The following SH3KBP1 variants were observed in gnomAD, a reference collection of about 807,000 sequenced individuals.
SH3KBP1 encodes SH3 domain-containing kinase-binding protein 1.
A neutral mutation model predicts 50.1 loss-of-function variants in SH3KBP1; 8 were observed. That is an observed-to-expected ratio of 0.16 (90% CI 0.09 to 0.29). The LOEUF (loss-of-function observed/expected upper bound fraction) is 0.29. Among genes scored for constraint, SH3KBP1 ranks in the 10% least tolerant of loss-of-function variants. The probability of loss-of-function intolerance (pLI) is 1.00; values close to 1 mark genes in which losing one functional copy is unlikely to be tolerated. For missense variants in SH3KBP1, 377 were observed against 535.2 expected (o/e 0.70, Z 2.92); for synonymous variants, 227 against 218.6 (o/e 1.04, Z -0.34).
intron 2 of SH3KBP1, among the ~76,000 whole-genome samples, chrX:19,815,216 A>G (rs2067317044): frequency 8.9e-6 from 1 of 111,792 alleles, no homozygotes; most frequent in African/African-American, 3.3e-5. Context: ...AGAGATAAAG[A>G]TGAGACTAAG....
chrX:19,777,262 T>C (rs927165997), intron 2 of SH3KBP1, among the ~76,000 whole-genome samples: 1 of 111,341 alleles, frequency 9.0e-6, no homozygotes, highest in African/African-American at 3.3e-5. Flanking sequence ...ACACAGAGCC[T>C]GGAGCCAAAG....
chrX:19,628,126 A>G (rs1268924536), intron 8 of SH3KBP1, among the ~76,000 whole-genome samples: 1 of 112,249 alleles, frequency 8.9e-6, no homozygotes, highest in Non-Finnish European at 1.9e-5. Flanking sequence ...CAAAATATTT[A>G]TGGCATGTTT....
At chrX:19,725,316 A>G (rs1339277188) in intron 3 of SH3KBP1, among the ~76,000 whole-genome samples, 1 of 103,907 alleles carries the variant, frequency 9.6e-6, no homozygotes, top group East Asian at 3.0e-4. Context: ...AAAAAAATAG[A>G]TAAATTAGCC....
chrX:19,581,609 C>T (rs1267243981), intron 12 of SH3KBP1, among the ~76,000 whole-genome samples: 2 of 111,367 alleles, frequency 1.8e-5, no homozygotes, highest in Non-Finnish European at 3.8e-5. Flanking sequence ...AAGCTTATTT[C>T]CTGCTACATC....
At chrX:19,649,655 T>C (rs940034385) in intron 6 of SH3KBP1, among the ~76,000 whole-genome samples, 5 of 112,005 alleles carry the variant, frequency 4.5e-5, no homozygotes, top group Admixed American at 2.8e-4. Flanking sequence ...CCAAAAGCAC[T>C]AAATAAACGT....
At chrX:19,760,053 T>C (rs867905394) in intron 2 of SH3KBP1, among the ~76,000 whole-genome samples, 14 of 94,383 alleles carry the variant, frequency 1.5e-4, no homozygotes, top group African/African-American at 5.8e-4. Context: ...TCTCTCTCTC[T>C]CTCTCTCTCT....
At chrX:19,560,918 T>TA (rs2147767692) in intron 13 of SH3KBP1, among the ~76,000 whole-genome samples, 1 of 107,302 alleles carries the variant, frequency 9.3e-6, no homozygotes, top group African/African-American at 3.5e-5. Flanking sequence ...TTACAAAAAA[T>TA]AAAAAATTAG....
intron 2 of SH3KBP1, among the ~76,000 whole-genome samples, chrX:19,832,234 G>A (rs776242981): frequency 6.3e-5 from 7 of 111,806 alleles, no homozygotes; most frequent in African/African-American, 1.3e-4. Flanking sequence ...CTGAGCAGGT[G>A]AGCGCAGGGC....
chrX:19,609,510 C>A (rs1243792822), intron 8 of SH3KBP1, among the ~76,000 whole-genome samples: 1 of 111,459 alleles, frequency 9.0e-6, no homozygotes, highest in Admixed American at 9.6e-5. Context: ...AACAAACAAA[C>A]AAAAAAACCT....
chrX:19,556,232 G>A (rs1172334961), intron 13 of SH3KBP1, among the ~76,000 whole-genome samples: 1 of 110,684 alleles, frequency 9.0e-6, no homozygotes, highest in Admixed American at 9.7e-5. Context: ...CATTAACGGA[G>A]CTGTGGGATT....
At chrX:19,816,473 C>A (rs2067358396) in intron 2 of SH3KBP1, among the ~76,000 whole-genome samples, 1 of 111,966 alleles carries the variant, frequency 8.9e-6, no homozygotes, top group Admixed American at 9.5e-5. Context: ...TTTTCATCCT[C>A]TTCACATTTT....
chrX:19,591,872 T>C (rs1017037074), intron 11 of SH3KBP1, among the ~76,000 whole-genome samples, 195 bp downstream of exon 11: 5 of 112,316 alleles, frequency 4.5e-5, no homozygotes, highest in Non-Finnish European at 9.4e-5. Flanking sequence ...TGATGAGAAA[T>C]TGTGGTCCCA....
intron 13 of SH3KBP1, among the ~76,000 whole-genome samples, chrX:19,568,808 G>C (rs1449126419): frequency 8.9e-6 from 1 of 112,987 alleles, no homozygotes; most frequent in Non-Finnish European, 1.9e-5. Context: ...TGGAAACTGT[G>C]AACATAAGGG....
chrX:19,751,182 G>T (rs766070805), intron 2 of SH3KBP1, among the ~76,000 whole-genome samples: 9 of 112,109 alleles, frequency 8.0e-5, no homozygotes, highest in Non-Finnish European at 1.1e-4. Flanking sequence ...CCACATAGAA[G>T]AGCTCCTTCC....
chrX:19,620,463 G>C (rs2067774581), intron 8 of SH3KBP1, among the ~76,000 whole-genome samples: 1 of 112,497 alleles, frequency 8.9e-6, no homozygotes. Context: ...CTGAAAACTT[G>C]TTTGGTGGCT....
At position 19,872,208 on chromosome X, in the gene SH3KBP1, C is replaced by T. The variant is rs552152110; in HGVS notation, c.4+15099G>A. Among the ~76,000 whole-genome samples, 86 of 88,332 alleles carry T rather than the reference C, an allele frequency of 9.7e-4. 2 individuals carry two copies. In the South Asian group the frequency reaches 0.056, roughly 57 times the overall value. The allele number at this position is 88,332 out of a possible 115,157, so 76.7% of individuals were successfully genotyped here. A position where few individuals can be genotyped will look rare whatever the true frequency, so the allele number is the denominator to read the frequency against. On this transcript the variant is annotated intron_variant, in intron 1 of 17. Transcript: ENST00000397821. ...TGGAGGTTGCAGTGAGCTGAGATCG[C>T]GCCATTGCACTCCAGCCTGGACAAC... is the stretch of plus-strand genomic sequence containing the variant.
At chrX:19,810,097 G>A (rs988000437) in intron 2 of SH3KBP1, among the ~76,000 whole-genome samples, 3 of 111,604 alleles carry the variant, frequency 2.7e-5, no homozygotes, top group Non-Finnish European at 5.6e-5. Context: ...TTCTATGTCC[G>A]TAAGACCATT....
intron 6 of SH3KBP1, chrX:19,683,180 T>A (rs906830591): frequency 3.5e-6 from 1 of 287,454 alleles, no homozygotes; most frequent in African/African-American, 2.7e-5. Context: ...GCGAGGGCTC[T>A]GGGTGTGTTG....
intron 12 of SH3KBP1, among the ~76,000 whole-genome samples, chrX:19,585,116 A>G (rs1376424361): frequency 1.8e-5 from 2 of 112,496 alleles, no homozygotes; most frequent in Non-Finnish European, 3.8e-5. Flanking sequence ...ATTAAGTACC[A>G]AGGAACAATA....
Sources: gnomAD v4.1 joint callset for allele counts (sites outside exome capture counted in the v4.1 genomes callset) on GRCh38, gnomAD v4.1.1 for gene constraint, MANE v1.5 for transcripts, NCBI Gene and HGNC (gene_info 2026-07-23, HGNC 2026-07-21) for gene names.